The following RP1 variants were observed in gnomAD, a reference collection of about 807,000 sequenced individuals.
RP1 encodes RP1 axonemal microtubule associated.
A neutral mutation model predicts 14.8 loss-of-function variants in RP1; 16 were observed. That is an observed-to-expected ratio of 1.08 (90% CI 0.73 to 1.65). The LOEUF is 1.65. RP1 is among the 40% of genes most tolerant of loss of function. The probability of loss-of-function intolerance (pLI) is 0.00; values close to 1 mark genes in which losing one functional copy is unlikely to be tolerated. For synonymous variants in RP1, 876 were observed against 883.6 expected, an observed-to-expected ratio of 0.99 and a Z score of 0.15; for missense variants, 2,631 against 2,535.0, an observed-to-expected ratio of 1.04 and a Z score of -0.81.
At chr8:54,822,908 G>A (rs908540046) in intron 24 of RP1, among the ~76,000 whole-genome samples, 1 of 152,214 alleles carries the variant, frequency 6.6e-6, no homozygotes, top group Non-Finnish European at 1.5e-5. Context: ...ATGGTAATAA[G>A]TAAATTTCAT....
chr8:54,831,464 T>G (rs1811527117), intron 24 of RP1, among the ~76,000 whole-genome samples: 1 of 147,784 alleles, frequency 6.8e-6, no homozygotes, highest in Non-Finnish European at 1.5e-5. Flanking sequence ...CCTGTGCCTG[T>G]TTTTTGTTTT....
At chr8:54,705,431 G>A (rs191435219) in intron 14 of RP1, among the ~76,000 whole-genome samples, 6 of 152,224 alleles carry the variant, frequency 3.9e-5, no homozygotes, top group African/African-American at 1.2e-4. Flanking sequence ...GAAGCTTCCC[G>A]AGCCTTGGTA....
At chr8:54,863,468 C>T (rs1315550106) in intron 27 of RP1, among the ~76,000 whole-genome samples, 2 of 152,136 alleles carry the variant, frequency 1.3e-5, no homozygotes, top group Non-Finnish European at 2.9e-5. Flanking sequence ...TTTATACATC[C>T]ACATACATAT....
chr8:54,724,861 C>T (rs1808617306), intron 16 of RP1, among the ~76,000 whole-genome samples: 1 of 152,122 alleles, frequency 6.6e-6, no homozygotes, highest in Non-Finnish European at 1.5e-5. Flanking sequence ...AATGAGAAGC[C>T]AGTGTGGGGA....
At chr8:54,736,835 C>T (rs969173006) in intron 18 of RP1, among the ~76,000 whole-genome samples, 1 of 152,030 alleles carries the variant, frequency 6.6e-6, no homozygotes, top group African/African-American at 2.4e-5. Flanking sequence ...AACCAGATCC[C>T]CAGGTAATCT....
chr8:54,596,711 C>G (rs1347795528), intron 1 of RP1, among the ~76,000 whole-genome samples: 1 of 152,200 alleles, frequency 6.6e-6, no homozygotes, highest in Non-Finnish European at 1.5e-5. Context: ...CTCTGTGATA[C>G]TCCTGCTCTA....
chr8:54,822,037 T>C (rs1489136251), intron 24 of RP1, among the ~76,000 whole-genome samples: 1 of 152,210 alleles, frequency 6.6e-6, no homozygotes, highest in East Asian at 1.9e-4. Flanking sequence ...ATAATCATAG[T>C]AGTTAATTGA....
chr8:54,584,477 A>G (rs1028552833), intron 1 of RP1, among the ~76,000 whole-genome samples: 9 of 152,150 alleles, frequency 5.9e-5, no homozygotes, highest in Middle Eastern at 3.4e-3. Context: ...TGTATATTCT[A>G]TTGATTTGGG....
intron 21 of RP1, among the ~76,000 whole-genome samples, chr8:54,756,773 C>A (rs2129367986): frequency 6.6e-6 from 1 of 152,292 alleles, no homozygotes; most frequent in South Asian, 2.1e-4. Context: ...GCTCCATGTA[C>A]CCTGGCTGCC....
intron 1 of RP1, among the ~76,000 whole-genome samples, chr8:54,607,593 C>T (rs531947419): frequency 9.4e-4 from 143 of 152,336 alleles, no homozygotes; most frequent in African/African-American, 3.1e-3. Flanking sequence ...ACATTTAAGT[C>T]TGCATAGGTT....
intron 21 of RP1, among the ~76,000 whole-genome samples, chr8:54,757,459 G>C (rs1809537374): frequency 6.6e-6 from 1 of 152,348 alleles, no homozygotes. Context: ...ATTTATCTGG[G>C]AGATAATCCC....
intron 25 of RP1, among the ~76,000 whole-genome samples, chr8:54,840,112 T>A (rs1811756384): frequency 6.6e-6 from 1 of 152,178 alleles, no homozygotes; most frequent in Non-Finnish European, 1.5e-5. Flanking sequence ...ACCTCATTGC[T>A]AACATGTCAA....
In RP1 at chr8:54,749,287, C is replaced by T. The variant is rs79899412; in HGVS notation, c.2809-5516C>T. On this transcript the variant is annotated intron_variant, in intron 19 of 22. Coordinates refer to the RP1 transcript ENST00000636932. ...CGGAGTTTGCAGTGAGTCGAGATCA[C>T]GCCACTGCACTCCAGCCTGGGCAAC... Among the ~76,000 whole-genome samples, 2,373 of 151,448 alleles carry T rather than the reference C, an allele frequency of 0.016. 138 individuals are homozygous for T. In the East Asian group the frequency reaches 0.18, roughly 12 times the overall value.
Position 54,629,632 on chromosome 8 carries a change from A to T in RP1, c.5750A>T (p.His1917Leu). Residue 1917 changes from histidine (H) to leucine (L), a missense_variant, in exon 4 of 4, where the codon CAT becomes CTT. His to Leu is a moderately conservative substitution (Grantham distance 99). Transcript: ENST00000220676. ...AAACTGTATGCTCTTTGTGGTCAAC[A>T]TTGCCCAATACTAACTGTTATTATC... ...LDKLYALCGQ[H>L]CPILTVIIQP... The T allele has an allele frequency of 6.2e-7, 1 of 1,613,962 alleles. No individual in the cohort carries two copies. Among genetic ancestry groups the T allele is most frequent in the Non-Finnish European group, 8.5e-7 (1 of 1,180,004 alleles).
At chr8:54,614,210 A>G (rs1389397187), upstream of RP1, among the ~76,000 whole-genome samples, 1 of 152,216 alleles carries the variant, frequency 6.6e-6, no homozygotes. Context: ...GTATGCTGAG[A>G]ATGTATGCTT....
chr8:54,708,766 T>C (rs191617520), intron 15 of RP1, among the ~76,000 whole-genome samples: 1 of 152,058 alleles, frequency 6.6e-6, no homozygotes, highest in Admixed American at 6.6e-5. Flanking sequence ...TCCCAGTGAG[T>C]AAACTTCCTC....
chr8:54,625,249 G>A lies in RP1; in HGVS notation c.1367G>A (p.Arg456Lys), dbSNP rs1806000241. 8 of 1,614,036 alleles carry A rather than the reference G, an allele frequency of 5.0e-6. No individual in the cohort carries two copies. The highest frequency in any genetic ancestry group is 1.6e-4 in the Middle Eastern group (1 of 6,084). The change falls in exon 4 of 4, where the codon AGA becomes AAA. Residue 456 changes from arginine (R) to lysine (K), a missense_variant. Coordinates refer to ENST00000220676, the MANE Select transcript of RP1 (RefSeq NM_006269.2). ...AGGCCCCCTACACCTGGACTAAGAA[G>A]AGTGAGACAAAAGAAATCTGTGATT... ...FYRPPTPGLR[R>K]VRQKKSVIGS...
At chr8:54,736,305 AG>A (rs1808918754) in intron 18 of RP1, among the ~76,000 whole-genome samples, 1 of 152,194 alleles carries the variant, frequency 6.6e-6, no homozygotes, top group African/African-American at 2.4e-5. Flanking sequence ...AAATTAAAAA[AG>A]GAATCCTATT....
intron 24 of RP1, among the ~76,000 whole-genome samples, chr8:54,821,785 C>T (rs932141812): frequency 9.2e-5 from 14 of 152,196 alleles, no homozygotes; most frequent in Admixed American, 9.2e-4. Context: ...TCTCCTGCGT[C>T]CTGTACTGCC....
Sources: allele counts gnomAD v4.1 joint callset (sites outside exome capture counted in the v4.1 genomes callset), GRCh38; gene constraint gnomAD v4.1.1; transcripts MANE v1.5; gene names NCBI Gene and HGNC (gene_info 2026-07-23, HGNC 2026-07-21).